Variants in GABRB1 observed in about 807,000 individuals in gnomAD.
GABRB1 encodes the protein gamma-aminobutyric acid receptor subunit beta-1.
GABRB1 carries 17 observed loss-of-function variants against 51.6 expected under a neutral mutation model. That is an observed-to-expected ratio of 0.33 (90% CI 0.23 to 0.49). The LOEUF (loss-of-function observed/expected upper bound fraction) is 0.49, where lower values mean the gene tolerates loss of function less well. Ranked by LOEUF, GABRB1 falls within the 20% of genes least tolerant of loss-of-function variation. GABRB1 has a pLI of 0.99. For synonymous variants in GABRB1, 247 were observed against 218.9 expected, an observed-to-expected ratio of 1.13 and a Z score of -1.14; for missense variants, 410 against 600.6, an observed-to-expected ratio of 0.68 and a Z score of 3.32.
chr4:47,358,309 ATG>A (rs954377759), intron 5 of GABRB1, among the ~76,000 whole-genome samples: 15 of 151,914 alleles, frequency 9.9e-5, no homozygotes, highest in Non-Finnish European at 2.2e-4. Flanking sequence ...ATATAAATAT[ATG>A]TGTGTGTATA....
intron 3 of GABRB1, among the ~76,000 whole-genome samples, chr4:47,151,002 A>T (rs560037973): frequency 1.1e-4 from 17 of 152,096 alleles, no homozygotes; most frequent in African/African-American, 3.6e-4. Context: ...GCATTTGGGC[A>T]TTATAATCAG....
At chr4:47,357,399 T>C (rs1261146020) in intron 5 of GABRB1, among the ~76,000 whole-genome samples, 1 of 152,210 alleles carries the variant, frequency 6.6e-6, no homozygotes, top group Non-Finnish European at 1.5e-5. Context: ...TGGTGAATGT[T>C]GGTCATTTTT....
At chr4:47,299,552 A>C (rs9799813) in intron 4 of GABRB1, among the ~76,000 whole-genome samples, 11,216 of 152,212 alleles carry the variant, frequency 0.074, 427 homozygotes, top group Admixed American at 0.082. Context: ...ACCATCTCAC[A>C]CCAGTTAGAA....
At chr4:47,237,704 AAAG>A (rs1203830934) in intron 4 of GABRB1, among the ~76,000 whole-genome samples, 4 of 152,024 alleles carry the variant, frequency 2.6e-5, no homozygotes, top group Non-Finnish European at 5.9e-5. Flanking sequence ...TATGAAGAAC[AAAG>A]AAGATAGATA....
intron 3 of GABRB1, among the ~76,000 whole-genome samples, chr4:47,139,190 T>C (rs1716806741): frequency 6.6e-6 from 1 of 151,964 alleles, no homozygotes; most frequent in Non-Finnish European, 1.5e-5. Context: ...TGTGTATAAT[T>C]GGAAAGGACA....
rs189887031 is a variant in GABRB1 at position 47,147,373 on chromosome 4, C to A, written c.241-13876C>A. On this transcript the variant is annotated intron_variant, in intron 3 of 8. Coordinates refer to ENST00000295454, the MANE Select transcript of GABRB1 (RefSeq NM_000812.4). ...CTAATAGAGTGTTTCACCTCCACTG[C>A]TATTTTTAATTTTTTCTTAACTGGG... 2.4e-3 allele frequency among the ~76,000 whole-genome samples: 358 copies of A among 152,172 alleles called. 3 individuals are homozygous for A. The highest frequency in any genetic ancestry group is 7.7e-3 in the African/African-American group (318 of 41,536).
At chr4:47,332,421 C>T (rs961864526) in intron 5 of GABRB1, among the ~76,000 whole-genome samples, 1 of 152,150 alleles carries the variant, frequency 6.6e-6, no homozygotes, top group Admixed American at 6.6e-5. Context: ...TGGAAATGGA[C>T]ATATTCTTAT....
At chr4:47,206,163 G>A (rs1720111312) in intron 4 of GABRB1, among the ~76,000 whole-genome samples, 1 of 151,950 alleles carries the variant, frequency 6.6e-6, no homozygotes, top group African/African-American at 2.4e-5. Flanking sequence ...CAGACACTCT[G>A]GTGGAAAAAC....
At chr4:47,346,168 G>C (rs1196932649) in intron 5 of GABRB1, among the ~76,000 whole-genome samples, 2 of 152,166 alleles carry the variant, frequency 1.3e-5, no homozygotes, top group Admixed American at 1.3e-4. Flanking sequence ...CTGTAAGTGT[G>C]AAACATCCTT....
At chr4:47,272,636 A>G (rs1722917037) in intron 4 of GABRB1, among the ~76,000 whole-genome samples, 2 of 152,186 alleles carry the variant, frequency 1.3e-5, no homozygotes, top group African/African-American at 4.8e-5. Context: ...CCTAGATGTC[A>G]AATACTTTAG....
At chr4:47,109,191 G>A (rs1285602038) in intron 3 of GABRB1, among the ~76,000 whole-genome samples, 3 of 152,078 alleles carry the variant, frequency 2.0e-5, no homozygotes, top group African/African-American at 7.2e-5. Context: ...AGAGTGGGGA[G>A]AGACTACAGG....
chr4:47,279,083 A>G (rs1421680256), intron 4 of GABRB1, among the ~76,000 whole-genome samples: 2 of 147,272 alleles, frequency 1.4e-5, no homozygotes, highest in Non-Finnish European at 3.0e-5. Context: ...CTTTCTTAGG[A>G]ATGGATGGAT....
At chr4:47,014,016 A>G (rs1008454941) in intron 1 of GABRB1, among the ~76,000 whole-genome samples, 2 of 152,136 alleles carry the variant, frequency 1.3e-5, no homozygotes. Context: ...TATTTTAATT[A>G]TAAAATTTTA....
chr4:47,058,575 A>T (rs1388279156), intron 3 of GABRB1, among the ~76,000 whole-genome samples: 1 of 152,102 alleles, frequency 6.6e-6, no homozygotes, highest in Admixed American at 6.6e-5. Flanking sequence ...GGGATATTAG[A>T]TTACCCAGGA....
At chr4:47,210,834 C>G (rs559487353) in intron 4 of GABRB1, among the ~76,000 whole-genome samples, 1 of 152,194 alleles carries the variant, frequency 6.6e-6, no homozygotes, top group Admixed American at 6.5e-5. Flanking sequence ...ATTTGATTAG[C>G]AAAGAGACAG....
intron 2 of GABRB1, 45 bp from the exon 3 acceptor site, chr4:47,032,372 G>T: frequency 6.6e-7 from 1 of 1,520,676 alleles, no homozygotes. Flanking sequence ...CCAGCCTGCT[G>T]TCACTGAGAG....
At chr4:47,196,440 G>A (rs1290004608) in intron 4 of GABRB1, among the ~76,000 whole-genome samples, 1 of 152,188 alleles carries the variant, frequency 6.6e-6, no homozygotes, top group Non-Finnish European at 1.5e-5. Flanking sequence ...AATCTTCAAT[G>A]CTGCCACAGG....
intron 5 of GABRB1, among the ~76,000 whole-genome samples, chr4:47,331,564 C>A (rs1366385388): frequency 6.6e-6 from 1 of 151,854 alleles, no homozygotes; most frequent in Non-Finnish European, 1.5e-5. Flanking sequence ...GATGGATGAC[C>A]ATTTTGCAAC....
intron 5 of GABRB1, among the ~76,000 whole-genome samples, chr4:47,388,155 C>T (rs1034905715): frequency 1.2e-4 from 18 of 152,234 alleles, no homozygotes; most frequent in Admixed American, 1.0e-3. Flanking sequence ...ATTAGTATAA[C>T]ATGTTAACAA....
Sources: gnomAD v4.1 joint callset for allele counts (sites outside exome capture counted in the v4.1 genomes callset) on GRCh38, gnomAD v4.1.1 for gene constraint, MANE v1.5 for transcripts, NCBI Gene and HGNC (gene_info 2026-07-23, HGNC 2026-07-21) for gene names.